LPAR1: variants seen among roughly 807,000 people sequenced by gnomAD.
The protein encoded by LPAR1 is LPA receptor 1.
In LPAR1, 5 loss-of-function variants were observed where a neutral mutation model predicts 23.8. The ratio of observed to expected loss-of-function variants is 0.21; its 90% CI spans 0.11 to 0.44. The LOEUF (loss-of-function observed/expected upper bound fraction) is 0.44, where lower values mean the gene tolerates loss of function less well. LPAR1 is among the 20% of genes least tolerant of loss of function. The pLI, the probability that LPAR1 is intolerant of heterozygous loss-of-function variation, is 0.99. For missense variants in LPAR1, 311 were observed against 482.8 expected (o/e 0.64, Z 3.33); for synonymous variants, 160 against 164.7 (o/e 0.97, Z 0.22).
At chr9:110,970,593 A>AT (rs2096386221) in intron 4 of LPAR1, among the ~76,000 whole-genome samples, 2 of 152,272 alleles carry the variant, frequency 1.3e-5, no homozygotes, top group South Asian at 4.1e-4. Context: ...GGTTGATAAC[A>AT]ATGATGACAT....
chr9:110,876,950 C>T (rs138850763), intron 5 of LPAR1, among the ~76,000 whole-genome samples: 5 of 152,272 alleles, frequency 3.3e-5, no homozygotes, highest in South Asian at 2.1e-4. Context: ...GAGCCAACAG[C>T]GGTGGGCACC....
chr9:111,032,582 C>T (rs1122218), intron 2 of LPAR1, among the ~76,000 whole-genome samples: 22 of 152,114 alleles, frequency 1.4e-4, no homozygotes, highest in African/African-American at 5.3e-4. Context: ...CCATTTCTCC[C>T]TCCAAAGACC....
At chr9:110,990,130 G>A (rs1158788912) in intron 2 of LPAR1, among the ~76,000 whole-genome samples, 1 of 151,972 alleles carries the variant, frequency 6.6e-6, no homozygotes, top group Admixed American at 6.6e-5. Flanking sequence ...CGAGTAACTG[G>A]ATAAATAAAC....
chr9:111,015,924 C>T (rs901948762), intron 2 of LPAR1, among the ~76,000 whole-genome samples: 1 of 151,768 alleles, frequency 6.6e-6, no homozygotes, highest in African/African-American at 2.4e-5. Flanking sequence ...CCAGCCTCCT[C>T]ATGCACGGCA....
intron 5 of LPAR1, among the ~76,000 whole-genome samples, chr9:110,921,804 G>C (rs1670791316): frequency 6.6e-6 from 1 of 152,346 alleles, no homozygotes; most frequent in Non-Finnish European, 1.5e-5. Context: ...GACCGCCACA[G>C]ACAGAAGCTA....
chr9:111,033,165 A>G (rs920449229), intron 2 of LPAR1, among the ~76,000 whole-genome samples: 1 of 152,238 alleles, frequency 6.6e-6, no homozygotes, highest in Non-Finnish European at 1.5e-5. Context: ...ACAATTTTAC[A>G]TGGACTTCAG....
In LPAR1 at chr9:110,875,662, G is replaced by T; in HGVS notation, c.854C>A (p.Pro285Gln). Residue 285 changes from proline to glutamine, a missense_variant, in exon 6 of 6, where the codon CCA becomes CAA. Physicochemically the swap from Pro to Gln is moderately conservative, Grantham distance 76. Around this residue, in one of 2 missense-constraint regions of LPAR1, gnomAD observed 250 missense variants for 427.2 expected, o/e 0.59. Transcript: ENST00000683809. ...CTCATAGGCCAGCACGTCGCACTGT[G>T]GACAGCACACGTCTAGAAGTAACAA... ...LVLLLLDVCC[P>Q]QCDVLAYEKF... The T allele has an allele frequency of 1.2e-6, 2 of 1,613,900 alleles. No homozygotes were observed. Among genetic ancestry groups the T allele is most frequent in the Non-Finnish European group, 1.7e-6 (2 of 1,179,876 alleles).
chr9:110,902,749 G>C lies in LPAR1; in HGVS notation c.794-27027C>G, dbSNP rs2089732311. ...CAAAGGGGATCCTGCCACAAAAAAA[G>C]GCTCCACCTGGGAAGTGTTTTCCTT... On this transcript the variant is annotated intron_variant, in intron 5 of 5. Transcript: ENST00000683809. Among the ~76,000 whole-genome samples the C allele has an allele frequency of 2.0e-5, 3 of 152,112 alleles. No homozygotes were observed. The South Asian group carries it at 6.2e-4, about 32-fold the overall frequency.
intron 2 of LPAR1, among the ~76,000 whole-genome samples, chr9:110,995,878 A>C (rs2096990291): frequency 6.6e-6 from 1 of 152,324 alleles, no homozygotes; most frequent in East Asian, 1.9e-4. Context: ...CTGTTATGAA[A>C]GGGTTTAAAA....
intron 5 of LPAR1, among the ~76,000 whole-genome samples, chr9:110,885,734 C>G (rs1473266266): frequency 3.9e-5 from 6 of 152,198 alleles, no homozygotes; most frequent in Non-Finnish European, 5.9e-5. Context: ...GATTTCTACC[C>G]AGCTCTGTCT....
chr9:110,906,063 T>C (rs1490249030), intron 5 of LPAR1, among the ~76,000 whole-genome samples: 1 of 152,192 alleles, frequency 6.6e-6, no homozygotes, highest in Non-Finnish European at 1.5e-5. Context: ...TAGCAATGGA[T>C]TTGGAAACAA....
intron 2 of LPAR1, among the ~76,000 whole-genome samples, chr9:111,011,478 C>T (rs2097330200): frequency 6.6e-6 from 1 of 152,116 alleles, no homozygotes; most frequent in South Asian, 2.1e-4. Flanking sequence ...ACTGAAAAAC[C>T]CATCCCTGGG....
chr9:111,008,713 T>C (rs2097268142), intron 2 of LPAR1, among the ~76,000 whole-genome samples: 1 of 152,160 alleles, frequency 6.6e-6, no homozygotes, highest in South Asian at 2.1e-4. Flanking sequence ...CCTGAGAATT[T>C]ATATCCGGAC....
intron 5 of LPAR1, among the ~76,000 whole-genome samples, chr9:110,916,797 T>C (rs2093157713): frequency 6.6e-6 from 1 of 152,108 alleles, no homozygotes; most frequent in Non-Finnish European, 1.5e-5. Flanking sequence ...AAAAAAGGTA[T>C]ATCCAGATGT....
At chr9:110,900,588 AAG>A (rs1290288867) in intron 5 of LPAR1, among the ~76,000 whole-genome samples, 2 of 152,210 alleles carry the variant, frequency 1.3e-5, no homozygotes, top group African/African-American at 2.4e-5. Context: ...TCATCTAAGG[AAG>A]AACCAAGTTT....
intron 5 of LPAR1, among the ~76,000 whole-genome samples, chr9:110,902,332 G>A (rs1376913857): frequency 6.6e-6 from 1 of 152,124 alleles, no homozygotes; most frequent in Non-Finnish European, 1.5e-5. Flanking sequence ...CCCGCGTTGT[G>A]AGGGACCTGG....
chr9:111,023,084 T>C (rs2097595073), intron 2 of LPAR1, among the ~76,000 whole-genome samples: 1 of 148,546 alleles, frequency 6.7e-6, no homozygotes, highest in South Asian at 2.1e-4. Flanking sequence ...AAAACCCTGC[T>C]ATTTAGCAAT....
chr9:110,962,227 A>G (rs1379132426), intron 4 of LPAR1, among the ~76,000 whole-genome samples: 1 of 152,174 alleles, frequency 6.6e-6, no homozygotes, highest in Non-Finnish European at 1.5e-5. Context: ...AGTTCCCATC[A>G]GTCATCTCTA....
At chr9:110,932,410 G>A (rs979159607) in intron 5 of LPAR1, among the ~76,000 whole-genome samples, 1 of 152,220 alleles carries the variant, frequency 6.6e-6, no homozygotes, top group Non-Finnish European at 1.5e-5. Context: ...TTCACAGGTG[G>A]TCAAACTGTG....
Sources: allele counts gnomAD v4.1 joint callset (sites outside exome capture counted in the v4.1 genomes callset), GRCh38; gene constraint gnomAD v4.1.1; regional missense constraint gnomAD v4.1.1; transcripts MANE v1.5; gene names NCBI Gene and HGNC (gene_info 2026-07-23, HGNC 2026-07-21).